The following ACSF2 variants were observed in gnomAD, a reference collection of about 807,000 sequenced individuals.
ACSF2 encodes acyl-CoA synthetase family member 2.
Under a neutral mutation model 79.3 loss-of-function variants are expected in ACSF2, and 52 were observed. That is an observed-to-expected ratio of 0.66 (90% CI 0.53 to 0.83). The LOEUF (loss-of-function observed/expected upper bound fraction) is 0.83. Among genes scored for constraint, ACSF2 ranks in the 40% least tolerant of loss-of-function variants. The pLI is 0.00. For synonymous variants in ACSF2, 283 were observed against 312.6 expected (o/e 0.91, Z 1.00); for missense variants, 661 against 803.3 (o/e 0.82, Z 2.14).
At chr17:50,449,549 C>T (rs529342963) in intron 1 of ACSF2, among the ~76,000 whole-genome samples, 13 of 151,566 alleles carry the variant, frequency 8.6e-5, no homozygotes, top group Middle Eastern at 6.8e-3. Context: ...GGACTACAGG[C>T]GCCCGCCACC....
At chr17:50,434,508 G>A (rs1388913478) in intron 1 of ACSF2, among the ~76,000 whole-genome samples, 1 of 151,630 alleles carries the variant, frequency 6.6e-6, no homozygotes, top group African/African-American at 2.4e-5. Context: ...CCAACATGAC[G>A]AAAACCCATC....
rs2033100643 is a variant in ACSF2 at position 50,471,150 on chromosome 17, A to C, written c.1323+15A>C. 1 of 1,608,670 alleles carries C rather than the reference A, an allele frequency of 6.2e-7. No homozygotes were observed. The highest frequency in any genetic ancestry group is 1.3e-5 in the African/African-American group (1 of 74,752). ...CTCACACGGAGGTGAGCCCCTGACCAAGACTCCAAAGTCCCACCTCCCGTC... is the reference window on the plus strand; with the variant it reads ...CTCACACGGAGGTGAGCCCCTGACCCAGACTCCAAAGTCCCACCTCCCGTC... On this transcript the variant is annotated intron_variant, in intron 11 of 15. Transcript: ENST00000300441. This position sits in a 1 kb window ranked among gnomAD's most constrained non-coding sequence, Gnocchi z 4.1.
intron 1 of ACSF2, among the ~76,000 whole-genome samples, chr17:50,455,687 C>A (rs1212089869): frequency 2.0e-5 from 3 of 152,198 alleles, no homozygotes; most frequent in South Asian, 2.1e-4. Context: ...CAAGGAGCCA[C>A]CCCAGCAGCT....
At position 50,460,675 on chromosome 17, in the gene ACSF2, A is replaced by G. The variant is rs200747876; in HGVS notation, c.129-2A>G. The G allele has an allele frequency of 4.0e-4, 646 of 1,609,518 alleles. No individual in the cohort carries two copies. Among genetic ancestry groups the G allele is most frequent in the Non-Finnish European group, 5.2e-4 (609 of 1,177,606 alleles). On this transcript the variant is annotated splice_acceptor_variant, in intron 1 of 15. Coordinates refer to ENST00000300441, the MANE Select transcript of ACSF2 (RefSeq NM_025149.6). LOFTEE classifies it high-confidence loss of function. Reference sequence around the variant, plus strand: ...TCAAACCCATAGCTCCTCTCCCTACAGTTCCAGAGAGGTGGATCGCATGGT... The same window carrying G: ...TCAAACCCATAGCTCCTCTCCCTACGGTTCCAGAGAGGTGGATCGCATGGT...
intron 1 of ACSF2, among the ~76,000 whole-genome samples, chr17:50,428,138 G>A (rs6504655): frequency 0.6 from 90,709 of 151,634 alleles, 27,642 homozygotes; most frequent in Middle Eastern, 0.73. Flanking sequence ...GCATTGAGCC[G>A]TCATCATGCC....
chr17:50,429,200 T>G (rs1915296734), intron 1 of ACSF2, among the ~76,000 whole-genome samples: 1 of 152,250 alleles, frequency 6.6e-6, no homozygotes, highest in African/African-American at 2.4e-5. Flanking sequence ...ATCTAACCTC[T>G]GAGCTAGTTA....
At chr17:50,472,617 A>C in intron 12 of ACSF2, 38 bp downstream of exon 12, 2 of 1,563,000 alleles carry the variant, frequency 1.3e-6, no homozygotes, top group Non-Finnish European at 1.7e-6. Context: ...CTGGCCGCTG[A>C]GGGGAGGCTG....
chr17:50,465,690 C>T, intron 10 of ACSF2: 1 of 1,612,850 alleles, frequency 6.2e-7, no homozygotes, highest in Non-Finnish European at 8.5e-7. Context: ...CTGGGAGTGA[C>T]ATGGAAGTGT....
chr17:50,441,981 G>A (rs1372643335), intron 1 of ACSF2, among the ~76,000 whole-genome samples: 1 of 151,944 alleles, frequency 6.6e-6, no homozygotes, highest in South Asian at 2.1e-4. Context: ...CTGGGACACA[G>A]ACACACACCA....
At chr17:50,433,040 G>A (rs995329099) in intron 1 of ACSF2, among the ~76,000 whole-genome samples, 5 of 151,836 alleles carry the variant, frequency 3.3e-5, no homozygotes, top group Admixed American at 2.0e-4. Context: ...AGTCCCCTGA[G>A]CAAAAAGAAG....
intron 1 of ACSF2, among the ~76,000 whole-genome samples, chr17:50,437,383 C>T (rs2030518711): frequency 6.6e-6 from 1 of 152,172 alleles, no homozygotes; most frequent in Non-Finnish European, 1.5e-5. Flanking sequence ...GGCACAATGG[C>T]TTACGCCTGT....
At chr17:50,461,874 C>T (rs941897510) in intron 4 of ACSF2, among the ~76,000 whole-genome samples, 188 bp downstream of exon 4, 1 of 151,940 alleles carries the variant, frequency 6.6e-6, no homozygotes, top group Non-Finnish European at 1.5e-5. Flanking sequence ...GTTGGTCAGA[C>T]ACAAACCTGG....
At chr17:50,462,932 T>G in intron 6 of ACSF2, 2 of 582,174 alleles carry the variant, frequency 3.4e-6, no homozygotes, top group South Asian at 2.2e-5. Context: ...GGTGGCAGAG[T>G]TCTCTGGGCC....
Position 50,463,708 on chromosome 17 carries a change from C to A in ACSF2, c.1047-110C>A. On this transcript the variant is annotated intron_variant, in intron 8 of 15. Transcript: ENST00000300441. The surrounding 1 kb of genome is among the most constrained non-coding windows in gnomAD (Gnocchi z 4.6). ...CCCAGGAGAGGACCAGTTCCTGCCT[C>A]AGGAGCTTCTCCTGCCTATTCCCTT... The A allele has an allele frequency of 6.8e-7, 1 of 1,478,122 alleles. No homozygotes were observed. The highest frequency in any genetic ancestry group is 1.8e-5 in the Admixed American group (1 of 56,814). The allele number at this position is 1,478,122 out of a possible 1,614,324, so 91.6% of individuals were successfully genotyped here.
rs149749935 is a variant in ACSF2 at position 50,455,679 on chromosome 17, A to G, written c.129-4998A>G. 2.4e-3 allele frequency among the ~76,000 whole-genome samples: 372 copies of G among 152,290 alleles called. 1 individual carries two copies. Among genetic ancestry groups the G allele is most frequent in the Non-Finnish European group, 4.1e-3 (277 of 68,024 alleles). On this transcript the variant is annotated intron_variant, in intron 1 of 15. Coordinates refer to ENST00000300441, the MANE Select transcript of ACSF2 (RefSeq NM_025149.6). ...TTCCTGAGCAGGCAGCAGACTCCCA[A>G]GGAGCCACCCCAGCAGCTGTAGCTA...
chr17:50,472,730 G>A (rs369642753), intron 12 of ACSF2, 151 bp downstream of exon 12: 21 of 909,252 alleles, frequency 2.3e-5, no homozygotes, highest in South Asian at 8.1e-5. Flanking sequence ...AAATGTATAC[G>A]GTGGGGATGA....
chr17:50,428,270 G>A (rs1915190765), intron 1 of ACSF2, among the ~76,000 whole-genome samples: 1 of 152,196 alleles, frequency 6.6e-6, no homozygotes, highest in Non-Finnish European at 1.5e-5. Context: ...CAGATCACTT[G>A]AAGTCAGGAG....
intron 1 of ACSF2, among the ~76,000 whole-genome samples, chr17:50,435,469 G>T (rs1048190335): frequency 4.0e-5 from 6 of 151,646 alleles, no homozygotes; most frequent in African/African-American, 1.5e-4. Context: ...GGAGCACAGT[G>T]GTGCAACCAC....
chr17:50,465,131 C>T, intron 10 of ACSF2: 3 of 731,560 alleles, frequency 4.1e-6, no homozygotes, highest in Non-Finnish European at 6.7e-6. Flanking sequence ...CTGGGCAGGA[C>T]CTTTTCCTCC....
Sources: gnomAD v4.1 joint callset for allele counts (sites outside exome capture counted in the v4.1 genomes callset) on GRCh38, gnomAD v4.1.1 for gene constraint, Gnocchi (gnomAD v3.1) non-coding constraint, MANE v1.5 for transcripts, NCBI Gene and HGNC (gene_info 2026-07-23, HGNC 2026-07-21) for gene names.